NTRK1: variants seen among roughly 807,000 people sequenced by gnomAD.
NTRK1 encodes the protein high affinity nerve growth factor receptor.
A neutral mutation model predicts 86.8 loss-of-function variants in NTRK1; 62 were observed. The observed-to-expected ratio is 0.71, with a 90% CI of 0.58 to 0.88. The LOEUF (loss-of-function observed/expected upper bound fraction) is 0.88. NTRK1 is among the 40% of genes least tolerant of loss of function. NTRK1 has a pLI of 0.00. For synonymous variants in NTRK1, 469 were observed against 456.6 expected, an observed-to-expected ratio of 1.03 and a Z score of -0.35; for missense variants, 967 against 1,078.4, an observed-to-expected ratio of 0.90 and a Z score of 1.45.
At chr1:156,869,167 G>A (rs1247096631) in intron 6 of NTRK1, among the ~76,000 whole-genome samples, 1 of 151,862 alleles carries the variant, frequency 6.6e-6, no homozygotes, top group Non-Finnish European at 1.5e-5. Flanking sequence ...CGCCTCTCGG[G>A]TTCAAGCGAT....
intron 1 of NTRK1, among the ~76,000 whole-genome samples, chr1:156,821,620 G>A (rs1416751440): frequency 1.3e-5 from 2 of 152,086 alleles, no homozygotes; most frequent in African/African-American, 4.8e-5. Flanking sequence ...GTGAGGAAAG[G>A]AGAAGTGCAG....
intron 2 of NTRK1, chr1:156,853,817 C>G (rs778849368): frequency 6.2e-7 from 1 of 1,613,374 alleles, no homozygotes; most frequent in Non-Finnish European, 8.5e-7. Context: ...GGTCTTGGCA[C>G]AGGGCTCACC....
chr1:156,879,908 AT>A (rs2102926577), intron 15 of NTRK1, 90 bp from the exon 16 acceptor site: 1 of 1,531,078 alleles, frequency 6.5e-7, no homozygotes, highest in South Asian at 1.1e-5. Context: ...GAGCTTGTGT[AT>A]TTATTTTTAA....
upstream of NTRK1, among the ~76,000 whole-genome samples, chr1:156,857,741 C>T (rs1160534987): frequency 6.6e-6 from 1 of 152,230 alleles, no homozygotes; most frequent in Non-Finnish European, 1.5e-5. Flanking sequence ...CATAGGACCT[C>T]TCGGGCAAGC....
chr1:156,854,182 G>A lies in NTRK1; in HGVS notation c.51-10172G>A, dbSNP rs554470500. The A allele has an allele frequency of 6.9e-5, 112 of 1,614,116 alleles. No individual in the cohort carries two copies. The highest frequency in any genetic ancestry group is 2.7e-5 in the African/African-American group (2 of 75,066). ...GGGTGAGGCGAGGGAAGCTGAGGCC[G>A]CGGAAGTCCTCCCCGGTGGCTGTGA... On this transcript the variant is annotated intron_variant, in intron 2 of 16. Transcript: ENST00000392302. The surrounding 1 kb of genome is among the most constrained non-coding windows in gnomAD (Gnocchi z 4.2).
chr1:156,871,438 A>C (rs984495362), intron 6 of NTRK1, among the ~76,000 whole-genome samples, 185 bp from the exon 7 acceptor site: 2 of 152,196 alleles, frequency 1.3e-5, no homozygotes, highest in Non-Finnish European at 2.9e-5. Context: ...GAGATAGTCA[A>C]CGAACAAACC....
chr1:156,866,491 G>A (rs1415232278), intron 3 of NTRK1, among the ~76,000 whole-genome samples: 1 of 152,188 alleles, frequency 6.6e-6, no homozygotes, highest in Non-Finnish European at 1.5e-5. Flanking sequence ...GTAGGGGCAA[G>A]GGAGTGGCAG....
chr1:156,846,751 G>T, intron 2 of NTRK1: 1 of 1,613,348 alleles, frequency 6.2e-7, no homozygotes, highest in Non-Finnish European at 8.5e-7. Context: ...TGGCGTTCTG[G>T]AATGGGCTGA....
chr1:156,861,027 G>A lies in NTRK1; in HGVS notation c.93G>A (p.Ala31=). 12 of 1,543,656 alleles carry A rather than the reference G, an allele frequency of 7.8e-6. No individual in the cohort carries two copies. Among genetic ancestry groups the A allele is most frequent in the Non-Finnish European group, 1.0e-5 (12 of 1,150,124 alleles). ...SLLAWLILAS[A]GAAPCPDACC... ...TGGCTTGGCTGATACTGGCATCTGC[G>A]GGCGCCGCACCCTGCCCCGATGCCT... Residue 31 remains alanine, a synonymous_variant, in exon 1 of 17, where the codon GCG becomes GCA. Coordinates refer to ENST00000524377, the MANE Select transcript of NTRK1 (RefSeq NM_002529.4).
At position 156,874,451 on chromosome 1, in the gene NTRK1, G is replaced by A. The variant is rs746452094; in HGVS notation, c.1195+51G>A. 8 of 1,613,842 alleles carry A rather than the reference G, an allele frequency of 5.0e-6. No homozygotes were observed. The African/African-American group carries it at 9.3e-5, about 19-fold the overall frequency. The stretch of plus-strand genomic sequence containing the variant: ...GTTCTGCCTGGTCTCTGGAGCTGAG[G>A]CTGGGGCAGAGGGTACAGCTGAACT... On this transcript the variant is annotated intron_variant, in intron 9 of 16. Coordinates refer to ENST00000524377, the MANE Select transcript of NTRK1 (RefSeq NM_002529.4).
intron 3 of NTRK1, among the ~76,000 whole-genome samples, chr1:156,866,168 C>T: frequency 6.6e-6 from 1 of 152,292 alleles, no homozygotes. Context: ...TGTGGTGGTA[C>T]TTCTCCCACC....
chr1:156,857,605 TACAG>T (rs1195142788), upstream of NTRK1, among the ~76,000 whole-genome samples: 1 of 152,088 alleles, frequency 6.6e-6, no homozygotes, highest in Non-Finnish European at 1.5e-5. Context: ...TGCTATGCCT[TACAG>T]ACAGAGGATC....
At chr1:156,852,048 C>A in intron 2 of NTRK1, 1 of 1,613,516 alleles carries the variant, frequency 6.2e-7, no homozygotes. Context: ...GGCGGGCAGG[C>A]CCACAGGCAG....
chr1:156,846,463 C>T, intron 2 of NTRK1: 4 of 1,401,102 alleles, frequency 2.9e-6, no homozygotes, highest in Middle Eastern at 1.8e-4. Flanking sequence ...GCCTGTGCTC[C>T]CCTGTTCTCA....
chr1:156,822,666 C>G (rs989923873), intron 1 of NTRK1, among the ~76,000 whole-genome samples: 3 of 150,150 alleles, frequency 2.0e-5, no homozygotes, highest in South Asian at 2.1e-4. Context: ...TCCAGAGGCT[C>G]TAATTGATAT....
intron 1 of NTRK1, among the ~76,000 whole-genome samples, chr1:156,829,156 A>G (rs1296862455): frequency 6.6e-6 from 1 of 152,174 alleles, no homozygotes; most frequent in Non-Finnish European, 1.5e-5. Context: ...AGTGAATAGG[A>G]GGTATGAGGA....
chr1:156,828,053 T>A (rs1172756267), intron 1 of NTRK1, among the ~76,000 whole-genome samples: 1 of 152,158 alleles, frequency 6.6e-6, no homozygotes, highest in Non-Finnish European at 1.5e-5. Context: ...GCTGAAGCAA[T>A]CCTCCTGCCT....
intron 1 of NTRK1, among the ~76,000 whole-genome samples, chr1:156,826,863 G>A (rs1654331894): frequency 2.0e-5 from 3 of 152,156 alleles, no homozygotes. Context: ...AGGAGCAGTG[G>A]GATATCTTAG....
intron 1 of NTRK1, chr1:156,841,171 C>A: frequency 2.4e-6 from 3 of 1,272,504 alleles, no homozygotes; most frequent in Non-Finnish European, 3.3e-6. Context: ...GCCTCCTGCA[C>A]TGAGGGTCAG....
Sources: allele counts gnomAD v4.1 joint callset (sites outside exome capture counted in the v4.1 genomes callset), GRCh38; gene constraint gnomAD v4.1.1; non-coding constraint Gnocchi (gnomAD v3.1); transcripts MANE v1.5; gene names NCBI Gene and HGNC (gene_info 2026-07-23, HGNC 2026-07-21).